The following CTNNA3 variants were observed in gnomAD, a reference collection of about 807,000 sequenced individuals.
CTNNA3 encodes the protein catenin alpha-3.
Under a neutral mutation model 95.7 loss-of-function variants are expected in CTNNA3, and 76 were observed. The ratio of observed to expected loss-of-function variants is 0.79; its 90% CI spans 0.66 to 0.96. The LOEUF is 0.96. Among genes scored for constraint, CTNNA3 ranks in the 40% least tolerant of loss-of-function variants. CTNNA3 has a pLI of 0.00. For missense variants in CTNNA3, 1,191 were observed against 1,089.8 expected, an observed-to-expected ratio of 1.09 and a Z score of -1.31; for synonymous variants, 431 against 374.4, an observed-to-expected ratio of 1.15 and a Z score of -1.74.
chr10:67,732,083 C>CTT (rs937928340), intron 1 of CTNNA3, among the ~76,000 whole-genome samples: 7 of 141,970 alleles, frequency 4.9e-5, no homozygotes, highest in East Asian at 2.0e-4. Flanking sequence ...CCTGGCCCAT[C>CTT]TTTTTTTTTT....
intron 16 of CTNNA3, 109 bp from the exon 17 acceptor site, chr10:65,966,855 T>C: frequency 1.3e-6 from 1 of 751,460 alleles, no homozygotes; most frequent in Non-Finnish European, 2.0e-6. Flanking sequence ...GCAGCAATTT[T>C]ATTTTCATAC....
chr10:66,845,729 A>C (rs12782853), intron 7 of CTNNA3, among the ~76,000 whole-genome samples: 10,123 of 87,082 alleles, frequency 0.12, 1,168 homozygotes, highest in African/African-American at 0.13. Context: ...AAAAAAAAAA[A>C]CTAAAAAGGT....
At chr10:67,079,397 G>A (rs528151858) in intron 7 of CTNNA3, among the ~76,000 whole-genome samples, 3 of 152,290 alleles carry the variant, frequency 2.0e-5, no homozygotes, top group Non-Finnish European at 2.9e-5. Flanking sequence ...ATATCTAACA[G>A]ATGAGCAATC....
chr10:67,596,117 C>T (rs1352950178), intron 3 of CTNNA3, among the ~76,000 whole-genome samples: 1 of 152,148 alleles, frequency 6.6e-6, no homozygotes, highest in African/African-American at 2.4e-5. Context: ...GGGCATTTAA[C>T]CCATTTACAT....
intron 13 of CTNNA3, among the ~76,000 whole-genome samples, chr10:66,246,984 A>T (rs1290024592): frequency 3.4e-5 from 5 of 147,114 alleles, no homozygotes; most frequent in African/African-American, 1.3e-4. Context: ...ACCCGGGAGG[A>T]GGTTGCAGTG....
chr10:65,936,043 T>C (rs886647853), intron 17 of CTNNA3, among the ~76,000 whole-genome samples: 2 of 152,114 alleles, frequency 1.3e-5, no homozygotes, highest in Non-Finnish European at 2.9e-5. Flanking sequence ...CTGATGTATC[T>C]TGGTTTCAGG....
At position 67,648,069 on chromosome 10, in the gene CTNNA3, T is replaced by TTGGACAGG; in HGVS notation, c.-5-552_-5-551insCCTGTCCA. 2.6e-5 allele frequency among the ~76,000 whole-genome samples: 4 copies of TTGGACAGG among 152,230 alleles called. No individual in the cohort carries two copies. The Middle Eastern group carries it at 0.014, about 518-fold the overall frequency. Reference sequence around the variant, plus strand: ...TACCTTCTTGGACAGGAAAAGAAACTAATACAAATTGCACAGTTGTTGTAA... The same window carrying TTGGACAGG: ...TACCTTCTTGGACAGGAAAAGAAACTTGGACAGGAATACAAATTGCACAGTTGTTGTAA... On this transcript the variant is annotated intron_variant, in intron 1 of 17. Transcript: ENST00000433211.
Position 66,001,453 on chromosome 10 carries a change from A to G in CTNNA3, c.2160-12656T>C, listed in dbSNP as rs544095565. Among the ~76,000 whole-genome samples the G allele has an allele frequency of 2.6e-5, 4 of 152,270 alleles. No individual in the cohort carries two copies. The East Asian group carries it at 7.7e-4, about 29-fold the overall frequency. On this transcript the variant is annotated intron_variant, in intron 15 of 17. Transcript: ENST00000433211. Reference sequence around the variant, plus strand: ...TCTAACATTCAAATTTAGTGCTGTGATAAAGTAGATTGAAATGAATACAGA... The same window carrying G: ...TCTAACATTCAAATTTAGTGCTGTGGTAAAGTAGATTGAAATGAATACAGA...
intron 12 of CTNNA3, among the ~76,000 whole-genome samples, chr10:66,317,530 G>GTATT (rs2092119117): frequency 2.0e-5 from 3 of 151,826 alleles, no homozygotes; most frequent in Non-Finnish European, 4.4e-5. Context: ...AAGATTAGCT[G>GTATT]GACGTGGTGG....
intron 3 of CTNNA3, among the ~76,000 whole-genome samples, chr10:67,567,138 T>TATA (rs1258748949): frequency 7.3e-5 from 11 of 151,684 alleles, no homozygotes; most frequent in Admixed American, 6.6e-4. Flanking sequence ...AACCTGCATG[T>TATA]TGTGCACATG....
rs1227626431 is a variant in CTNNA3, at chr10:66,749,162, C to T, written c.1281+17102G>A. Among the ~76,000 whole-genome samples, 10 of 140,260 alleles carry T rather than the reference C, an allele frequency of 7.1e-5. No individual in the cohort carries two copies. In the East Asian group the frequency reaches 1.2e-3, roughly 17 times the overall value. 92.0% of individuals were successfully genotyped at this position (140,260 alleles called of 152,430 possible). On this transcript the variant is annotated intron_variant, in intron 9 of 17. Transcript: ENST00000433211. ...AGGTTGCAGTGAGCCAAGATTGTGC[C>T]GCTGCACTCCAGCCTGGGCAACACA...
chr10:66,165,136 G>A (rs2085059200), intron 13 of CTNNA3, among the ~76,000 whole-genome samples: 1 of 152,074 alleles, frequency 6.6e-6, no homozygotes, highest in South Asian at 2.1e-4. Flanking sequence ...GCAACTGGAG[G>A]CTGCTATCCT....
intron 13 of CTNNA3, among the ~76,000 whole-genome samples, chr10:66,122,567 C>T (rs1228155425): frequency 6.6e-6 from 1 of 152,066 alleles, no homozygotes; most frequent in Non-Finnish European, 1.5e-5. Flanking sequence ...AAACCAAAGA[C>T]ATCTTGAAGA....
At chr10:66,000,759 A>G (rs2078755290) in intron 15 of CTNNA3, among the ~76,000 whole-genome samples, 1 of 152,166 alleles carries the variant, frequency 6.6e-6, no homozygotes, top group Admixed American at 6.5e-5. Context: ...TCAGTATAAT[A>G]ATCATTAAGT....
intron 6 of CTNNA3, among the ~76,000 whole-genome samples, chr10:67,190,044 C>A (rs1469652189): frequency 6.6e-6 from 1 of 152,098 alleles, no homozygotes; most frequent in African/African-American, 2.4e-5. Context: ...CATTGCTGAT[C>A]ATTTTTCTTT....
chr10:66,109,327 A>G (rs1487636581), intron 13 of CTNNA3, among the ~76,000 whole-genome samples: 1 of 152,216 alleles, frequency 6.6e-6, no homozygotes, highest in Non-Finnish European at 1.5e-5. Context: ...AGTGTTTCTC[A>G]GTCTTAGCAT....
At chr10:67,044,513 G>C (rs1854607061) in intron 7 of CTNNA3, among the ~76,000 whole-genome samples, 1 of 152,070 alleles carries the variant, frequency 6.6e-6, no homozygotes, top group African/African-American at 2.4e-5. Flanking sequence ...ATGCTATCTG[G>C]AAAGTTTCCC....
chr10:66,365,231 T>C (rs1038718427), intron 12 of CTNNA3, among the ~76,000 whole-genome samples: 4 of 152,154 alleles, frequency 2.6e-5, no homozygotes, highest in South Asian at 2.1e-4. Flanking sequence ...TCATGTCCTT[T>C]GCAGAGACAT....
At chr10:66,642,228 A>C (rs927064881) in intron 9 of CTNNA3, among the ~76,000 whole-genome samples, 3 of 150,890 alleles carry the variant, frequency 2.0e-5, no homozygotes, top group African/African-American at 7.3e-5. Context: ...AAAATTCTGC[A>C]ATTAAAATGT....
Sources: allele counts gnomAD v4.1 joint callset (sites outside exome capture counted in the v4.1 genomes callset), GRCh38; gene constraint gnomAD v4.1.1; transcripts MANE v1.5; gene names NCBI Gene and HGNC (gene_info 2026-07-23, HGNC 2026-07-21).